The following MGAT4C variants were observed in gnomAD, a reference collection of about 807,000 sequenced individuals.
MGAT4C encodes the protein MGAT4 family member C.
A neutral mutation model predicts 40.1 loss-of-function variants in MGAT4C; 19 were observed. That is an observed-to-expected ratio of 0.47 (90% CI 0.33 to 0.70). The LOEUF is 0.70. MGAT4C is among the 30% of genes least tolerant of loss of function. MGAT4C has a pLI of 0.02. For synonymous variants in MGAT4C, 181 were observed against 187.1 expected (o/e 0.97, Z 0.27); for missense variants, 491 against 563.2 (o/e 0.87, Z 1.30).
At chr12:86,716,240 A>T (rs1337083475) in intron 2 of MGAT4C, among the ~76,000 whole-genome samples, 3 of 152,120 alleles carry the variant, frequency 2.0e-5, no homozygotes, top group Non-Finnish European at 4.4e-5. Context: ...ACTATTAATT[A>T]AAACTACTGA....
At chr12:86,477,739 T>C (rs1055988874) in intron 2 of MGAT4C, among the ~76,000 whole-genome samples, 3 of 151,958 alleles carry the variant, frequency 2.0e-5, no homozygotes, top group African/African-American at 7.3e-5. Flanking sequence ...ATGCTATCCT[T>C]CCCCTCTCCC....
rs74400212 is a variant in MGAT4C, at chr12:86,665,737, C to A, written c.-229+61472G>T. ...TAAATTATACAATTTAATGCAATTT[C>A]GATTCTTCTTGTTTGGAATCATAAT... On this transcript the variant is annotated intron_variant, in intron 2 of 7. Coordinates refer to the MGAT4C transcript ENST00000548651. 3.3e-5 allele frequency among the ~76,000 whole-genome samples: 5 copies of A among 152,040 alleles called. 1 individual carries two copies. The highest frequency in any genetic ancestry group is 3.3e-4 in the Admixed American group (5 of 15,260).
chr12:86,388,495 C>T (rs1956100839), intron 3 of MGAT4C, among the ~76,000 whole-genome samples: 1 of 151,842 alleles, frequency 6.6e-6, no homozygotes, highest in African/African-American at 2.4e-5. Context: ...ACTTGTAAAG[C>T]ATTTCTTGGA....
At chr12:86,762,792 G>A (rs563715011) in intron 1 of MGAT4C, among the ~76,000 whole-genome samples, 323 of 152,288 alleles carry the variant, frequency 2.1e-3, no homozygotes, top group Middle Eastern at 6.8e-3. Flanking sequence ...AGAGAAACAT[G>A]TCATCATAAA....
At chr12:86,515,621 T>C (rs1346719242) in intron 2 of MGAT4C, among the ~76,000 whole-genome samples, 2 of 151,798 alleles carry the variant, frequency 1.3e-5, no homozygotes, top group Non-Finnish European at 2.9e-5. Flanking sequence ...CACTGAAAGC[T>C]ACAAAACATC....
intron 3 of MGAT4C, among the ~76,000 whole-genome samples, chr12:86,395,818 T>C (rs1355737321): frequency 1.3e-5 from 2 of 152,190 alleles, no homozygotes; most frequent in Admixed American, 1.3e-4. Flanking sequence ...ATACATTGTA[T>C]GGATGTAGGA....
intron 2 of MGAT4C, among the ~76,000 whole-genome samples, chr12:86,036,307 T>A (rs1282001091): frequency 6.7e-6 from 1 of 150,046 alleles, no homozygotes; most frequent in Admixed American, 6.7e-5. Flanking sequence ...AGCCTTTATT[T>A]ATTTCTCTTT....
chr12:86,364,748 T>C (rs989301574), intron 3 of MGAT4C, among the ~76,000 whole-genome samples: 6 of 147,838 alleles, frequency 4.1e-5, no homozygotes, highest in African/African-American at 1.5e-4. Flanking sequence ...TGATGCCCCC[T>C]GAGCCATAAA....
chr12:86,415,733 T>C lies in MGAT4C; in HGVS notation c.-120+19424A>G, dbSNP rs554801637. On this transcript the variant is annotated intron_variant, in intron 3 of 7. Transcript: ENST00000548651. Reference sequence around the variant, plus strand: ...TATCAAGGAGAATTCAGAGAGGACTTCATAGGACTCTAAGAAAGAACATTT... The same window carrying C: ...TATCAAGGAGAATTCAGAGAGGACTCCATAGGACTCTAAGAAAGAACATTT... 1.9e-3 allele frequency among the ~76,000 whole-genome samples: 292 copies of C among 152,090 alleles called. 1 individual carries two copies. Among genetic ancestry groups the C allele is most frequent in the African/African-American group, 6.7e-3 (279 of 41,550 alleles).
chr12:86,740,863 C>T (rs1012279349), intron 1 of MGAT4C, among the ~76,000 whole-genome samples: 4 of 151,132 alleles, frequency 2.6e-5, no homozygotes, highest in African/African-American at 9.7e-5. Context: ...GTAATTTCAA[C>T]TTTTATATAC....
chr12:86,362,902 T>C (rs1955513226), intron 3 of MGAT4C, among the ~76,000 whole-genome samples: 1 of 145,746 alleles, frequency 6.9e-6, no homozygotes, highest in Non-Finnish European at 1.5e-5. Context: ...AGGGTGTATA[T>C]AGTAATATTA....
chr12:86,760,581 C>T (rs1011387096), intron 1 of MGAT4C, among the ~76,000 whole-genome samples: 1 of 151,956 alleles, frequency 6.6e-6, no homozygotes, highest in African/African-American at 2.4e-5. Flanking sequence ...TGCAATGAAA[C>T]AGCTTTAGGG....
chr12:86,531,301 A>C (rs1458661897), intron 2 of MGAT4C, among the ~76,000 whole-genome samples: 1 of 152,056 alleles, frequency 6.6e-6, no homozygotes, highest in Non-Finnish European at 1.5e-5. Context: ...ATGTGCACTC[A>C]AAGAGCTTAC....
intron 2 of MGAT4C, among the ~76,000 whole-genome samples, chr12:86,591,290 T>C (rs1029419411): frequency 6.6e-6 from 1 of 152,078 alleles, no homozygotes; most frequent in Admixed American, 6.6e-5. Flanking sequence ...GGAAATTAAG[T>C]AGGGCATCAG....
At chr12:86,613,942 T>A (rs909328255) in intron 2 of MGAT4C, among the ~76,000 whole-genome samples, 4 of 151,920 alleles carry the variant, frequency 2.6e-5, no homozygotes, top group African/African-American at 9.7e-5. Context: ...AAACACACTA[T>A]CAAAAGATAC....
intron 2 of MGAT4C, among the ~76,000 whole-genome samples, chr12:86,586,778 G>A (rs548169657): frequency 1.9e-3 from 282 of 151,722 alleles, no homozygotes; most frequent in African/African-American, 6.1e-3. Context: ...TATATCCTTC[G>A]CCCACTTTTT....
At chr12:86,159,764 G>A (rs1200841387) in intron 1 of MGAT4C, among the ~76,000 whole-genome samples, 2 of 151,980 alleles carry the variant, frequency 1.3e-5, no homozygotes, top group Admixed American at 1.3e-4. Flanking sequence ...TTGGGAGATT[G>A]TGTGCTTCCA....
chr12:86,316,785 A>C (rs1261605715), intron 4 of MGAT4C, among the ~76,000 whole-genome samples: 2 of 152,168 alleles, frequency 1.3e-5, no homozygotes, highest in Non-Finnish European at 2.9e-5. Context: ...TGGGTGATGG[A>C]ATCAATCATA....
chr12:86,757,199 C>T (rs1951320355), intron 1 of MGAT4C, among the ~76,000 whole-genome samples: 1 of 147,306 alleles, frequency 6.8e-6, no homozygotes, highest in Non-Finnish European at 1.5e-5. Flanking sequence ...GGGAACATCA[C>T]ACACCGGGGC....
Sources: allele counts gnomAD v4.1 joint callset (sites outside exome capture counted in the v4.1 genomes callset), GRCh38; gene constraint gnomAD v4.1.1; transcripts MANE v1.5; gene names NCBI Gene and HGNC (gene_info 2026-07-23, HGNC 2026-07-21).